SRRM4: variants seen among roughly 807,000 people sequenced by gnomAD.
SRRM4 encodes the protein serine/arginine repetitive matrix 4, also known as serine/arginine repetitive matrix protein 4.
Under a neutral mutation model 68.9 loss-of-function variants are expected in SRRM4, and 33 were observed. The ratio of observed to expected loss-of-function variants is 0.48; its 90% CI spans 0.36 to 0.64. The LOEUF is 0.64. Ranked by LOEUF, SRRM4 falls within the 30% of genes least tolerant of loss-of-function variation. The pLI is 0.00. For missense variants in SRRM4, 817 were observed against 827.1 expected (o/e 0.99, Z 0.15); for synonymous variants, 318 against 318.8 (o/e 1.00, Z 0.03).
At position 119,078,391 on chromosome 12, in the gene SRRM4, T is replaced by G. The variant is rs149064584; in HGVS notation, c.132-23845T>G. ...AGGTGCACAATTAATGGGGGCAGGA[T>G]GTCTGAATGACTGGACAACTGAATC... On this transcript the variant is annotated intron_variant, in intron 1 of 12. Coordinates refer to ENST00000267260, the MANE Select transcript of SRRM4 (RefSeq NM_194286.4). Among the ~76,000 whole-genome samples, 115 of 152,320 alleles carry G rather than the reference T, an allele frequency of 7.5e-4. 1 individual carries two copies. The highest frequency in any genetic ancestry group is 2.6e-3 in the African/African-American group (108 of 41,574).
intron 2 of SRRM4, among the ~76,000 whole-genome samples, chr12:119,103,605 C>T (rs192215414): frequency 4.3e-4 from 65 of 152,280 alleles, no homozygotes; most frequent in Middle Eastern, 3.4e-3. Context: ...TGAAGTTCAA[C>T]CTCATGTCTG....
chr12:119,032,550 T>C (rs1051225610), intron 1 of SRRM4, among the ~76,000 whole-genome samples: 1 of 152,208 alleles, frequency 6.6e-6, no homozygotes, highest in Non-Finnish European at 1.5e-5. Flanking sequence ...TTTCTCTCTT[T>C]AAAAACTTCT....
intron 1 of SRRM4, among the ~76,000 whole-genome samples, chr12:118,996,632 T>C (rs1446581763): frequency 6.6e-6 from 1 of 152,200 alleles, no homozygotes; most frequent in East Asian, 1.9e-4. Flanking sequence ...AGGCAATTTA[T>C]AGACAGATTT....
In SRRM4 at chr12:119,005,921, G is replaced by A. The variant is rs529062234; in HGVS notation, c.131+23908G>A. 2.1e-3 allele frequency among the ~76,000 whole-genome samples: 325 copies of A among 152,222 alleles called. 1 individual carries two copies. The highest frequency in any genetic ancestry group is 2.6e-3 in the Non-Finnish European group (179 of 68,010). ...CAACAAACAAGCCGTGTGACCTTGG[G>A]CAAAGCTCTTAACCTCTCTGAGTTT... On this transcript the variant is annotated intron_variant, in intron 1 of 12. Transcript: ENST00000267260.
chr12:118,994,993 G>A (rs983992226), intron 1 of SRRM4, among the ~76,000 whole-genome samples: 1 of 152,152 alleles, frequency 6.6e-6, no homozygotes, highest in Non-Finnish European at 1.5e-5. Context: ...TTTACCCAAA[G>A]TCATACAGTG....
intron 1 of SRRM4, among the ~76,000 whole-genome samples, chr12:119,060,955 G>T (rs1953807959): frequency 6.6e-6 from 1 of 152,098 alleles, no homozygotes; most frequent in Non-Finnish European, 1.5e-5. Context: ...ACGATACCAC[G>T]TCCCTTCCCC....
rs150713382 is a variant in SRRM4, at chr12:119,154,422, G to A, written c.1532+39G>A. 5 of 1,604,048 alleles carry A rather than the reference G, an allele frequency of 3.1e-6. No individual in the cohort carries two copies. In the Admixed American group the frequency reaches 5.1e-5, roughly 16 times the overall value. ...GCAAGGGGGACCCACCTTCATCCTCGTTCCCACTCCCATTCTTACTCATTC... is the reference window on the plus strand; with the variant it reads ...GCAAGGGGGACCCACCTTCATCCTCATTCCCACTCCCATTCTTACTCATTC... On this transcript the variant is annotated intron_variant, in intron 12 of 12. Coordinates refer to ENST00000267260, the MANE Select transcript of SRRM4 (RefSeq NM_194286.4). This position sits in a 1 kb window ranked among gnomAD's most constrained non-coding sequence, Gnocchi z 4.7.
intron 1 of SRRM4, among the ~76,000 whole-genome samples, chr12:119,051,271 T>C (rs1953740669): frequency 6.6e-6 from 1 of 152,212 alleles, no homozygotes; most frequent in Non-Finnish European, 1.5e-5. Flanking sequence ...ATTGTGATGC[T>C]GTTGTGTGGG....
At chr12:119,050,275 T>G (rs1018140789) in intron 1 of SRRM4, among the ~76,000 whole-genome samples, 5 of 152,264 alleles carry the variant, frequency 3.3e-5, no homozygotes, top group African/African-American at 1.2e-4. Flanking sequence ...CTTCACCATC[T>G]TTAACAGAGT....
At chr12:119,052,049 A>AT (rs1453052411) in intron 1 of SRRM4, among the ~76,000 whole-genome samples, 1 of 152,120 alleles carries the variant, frequency 6.6e-6, no homozygotes, top group East Asian at 1.9e-4. Flanking sequence ...GCTGGCATTT[A>AT]TTTATCATTT....
chr12:119,008,985 T>TCG (rs1953432315), intron 1 of SRRM4, among the ~76,000 whole-genome samples: 1 of 152,116 alleles, frequency 6.6e-6, no homozygotes, highest in South Asian at 2.1e-4. Context: ...GAGGGAAATC[T>TCG]GTAATGAATC....
At chr12:119,076,532 C>T (rs959692022) in intron 1 of SRRM4, among the ~76,000 whole-genome samples, 6 of 152,096 alleles carry the variant, frequency 3.9e-5, no homozygotes, top group Non-Finnish European at 7.4e-5. Context: ...TCCTCATCTG[C>T]GAATTAAGTC....
At chr12:119,142,976 C>T (rs1447405439) in intron 8 of SRRM4, among the ~76,000 whole-genome samples, 1 of 152,224 alleles carries the variant, frequency 6.6e-6, no homozygotes, top group Non-Finnish European at 1.5e-5. Context: ...AAAAGTCTCA[C>T]TCTAGAAAAC....
intron 1 of SRRM4, among the ~76,000 whole-genome samples, chr12:119,009,165 C>T (rs2135996574): frequency 6.6e-6 from 1 of 152,306 alleles, no homozygotes; most frequent in Non-Finnish European, 1.5e-5. Flanking sequence ...AGCTGAACAG[C>T]TGCTGGGAGG....
intron 5 of SRRM4, among the ~76,000 whole-genome samples, chr12:119,120,900 A>T (rs1954215124): frequency 6.6e-6 from 1 of 152,234 alleles, no homozygotes; most frequent in Non-Finnish European, 1.5e-5. Context: ...ATCTGTAGAC[A>T]GAGGGTAAGG....
intron 7 of SRRM4, among the ~76,000 whole-genome samples, chr12:119,128,764 T>C (rs918543259): frequency 1.3e-5 from 2 of 152,204 alleles, no homozygotes; most frequent in Non-Finnish European, 2.9e-5. Context: ...GGCTGAATTA[T>C]CTCTCGGCAG....
At chr12:119,097,345 T>A (rs1201348166) in intron 1 of SRRM4, among the ~76,000 whole-genome samples, 1 of 152,228 alleles carries the variant, frequency 6.6e-6, no homozygotes, top group African/African-American at 2.4e-5. Context: ...TCTGCTTCTT[T>A]ATTTGTAAGG....
chr12:119,045,121 T>C (rs946295197), intron 1 of SRRM4, among the ~76,000 whole-genome samples: 7 of 152,170 alleles, frequency 4.6e-5, no homozygotes, highest in African/African-American at 9.7e-5. Context: ...GGCTCAGCTA[T>C]ACGGATGTGG....
chr12:119,141,671 G>T (rs1001927205), intron 8 of SRRM4, among the ~76,000 whole-genome samples: 1 of 152,172 alleles, frequency 6.6e-6, no homozygotes, highest in Non-Finnish European at 1.5e-5. Context: ...TTGTTCATTA[G>T]GCAAAATTTA....
Sources: allele counts gnomAD v4.1 joint callset (sites outside exome capture counted in the v4.1 genomes callset), GRCh38; gene constraint gnomAD v4.1.1; non-coding constraint Gnocchi (gnomAD v3.1); transcripts MANE v1.5; gene names NCBI Gene and HGNC (gene_info 2026-07-23, HGNC 2026-07-21).